RNF31: variants seen among roughly 807,000 people sequenced by gnomAD.
The protein encoded by RNF31 is E3 ubiquitin-protein ligase RNF31.
In RNF31, 38 loss-of-function variants were observed where a neutral mutation model predicts 133.6. The observed-to-expected ratio is 0.28, with a 90% CI of 0.22 to 0.37. The LOEUF (loss-of-function observed/expected upper bound fraction) is 0.37. Ranked by LOEUF, RNF31 falls within the 10% of genes least tolerant of loss-of-function variation. RNF31 has a pLI of 1.00. For missense variants in RNF31, 1,118 were observed against 1,394.1 expected, an observed-to-expected ratio of 0.80 and a Z score of 3.15; for synonymous variants, 582 against 552.3, an observed-to-expected ratio of 1.05 and a Z score of -0.75.
Position 24,160,392 on chromosome 14 carries a change from G to A in RNF31, c.3150G>A (p.Gln1050=). ...CTGGAGAGGATCCCCCTGCTTACCA[G>A]GCCCGCTTGTTACAGGTATAGCCTC... is the stretch of plus-strand genomic sequence containing the variant. ...PLAGEDPPAY[Q]ARLLQKLTEE... is the part of the protein sequence containing the mutation. The change falls in exon 20 of 21, where the codon CAG becomes CAA. Residue 1050 remains glutamine (Q), a synonymous_variant. Transcript: ENST00000324103. This position sits in a 1 kb window ranked among gnomAD's most constrained non-coding sequence, Gnocchi z 4.0. 1 of 1,614,096 alleles carries A rather than the reference G, an allele frequency of 6.2e-7. No homozygotes were observed. The highest frequency in any genetic ancestry group is 8.5e-7 in the Non-Finnish European group (1 of 1,179,986).
At chr14:24,148,603 G>A (rs763956549) in intron 3 of RNF31, 39 bp from the exon 4 acceptor site, 9 of 1,609,254 alleles carry the variant, frequency 5.6e-6, no homozygotes, top group South Asian at 1.1e-5. Context: ...TTTGTTCTAG[G>A]GGTCTAGCTG....
At position 24,151,220 on chromosome 14, in the gene RNF31, A is replaced by G. The variant is rs760799670; in HGVS notation, c.1578A>G (p.Ser526=). The part of the protein sequence containing the change: ...GTEVPLQWLR[S]ELPYVLEMVA... ...AGGTGCCTCTGCAGTGGTTGCGCTC[A>G]GAACTGCCCTACGTCCTGGAGATGG... is the stretch of plus-strand genomic sequence containing the variant. The change falls in exon 9 of 21, where the codon TCA becomes TCG. Residue 526 remains serine, a synonymous_variant. Transcript: ENST00000324103. The surrounding 1 kb of genome is among the most constrained non-coding windows in gnomAD (Gnocchi z 5.3). 1.9e-6 allele frequency: 3 copies of G among 1,614,218 alleles called. No individual in the cohort carries two copies. The South Asian group carries it at 3.3e-5, about 18-fold the overall frequency.
Position 24,151,820 on chromosome 14 carries a change from TCCC to T in RNF31, c.1960_1962del (p.Pro654del). 1 of 1,613,426 alleles carries T rather than the reference TCCC, an allele frequency of 6.2e-7. No individual in the cohort carries two copies. Reference sequence around the variant, plus strand: ...AGGCGGCTTTTGGCAGTCTACGCACTCCCCAGCTGGGGCCGGGCAGAGCTGGCA... The same window carrying T: ...AGGCGGCTTTTGGCAGTCTACGCACTCAGCTGGGGCCGGGCAGAGCTGGCA... On this transcript the variant is annotated inframe_deletion, in exon 11 of 21. Coordinates refer to ENST00000324103, the MANE Select transcript of RNF31 (RefSeq NM_017999.5). The surrounding 1 kb of genome is among the most constrained non-coding windows in gnomAD (Gnocchi z 5.3).
intron 11 of RNF31, among the ~76,000 whole-genome samples, chr14:24,152,978 G>A (rs1256359311): frequency 2.0e-5 from 3 of 152,014 alleles, no homozygotes; most frequent in Admixed American, 6.5e-5. Context: ...CTACTCAGGA[G>A]GCTGAGGCAG....
In RNF31 at chr14:24,151,241, G is replaced by A. The variant is rs751247927; in HGVS notation, c.1599G>A (p.Glu533=). 1.9e-6 allele frequency: 3 copies of A among 1,614,206 alleles called. No individual in the cohort carries two copies. Among genetic ancestry groups the A allele is most frequent in the South Asian group, 2.2e-5 (2 of 91,090 alleles). ...WLRSELPYVL[E]MVAELAGQQD... ...GCTCAGAACTGCCCTACGTCCTGGA[G>A]ATGGTGGCTGAGCTGGCTGGACAGC... The change falls in exon 9 of 21, where the codon GAG becomes GAA. Residue 533 remains glutamate (E), a synonymous_variant. Transcript: ENST00000324103. This position sits in a 1 kb window ranked among gnomAD's most constrained non-coding sequence, Gnocchi z 5.3.
At chr14:24,149,004 C>T (rs1220331321) in intron 5 of RNF31, 128 bp downstream of exon 5, 6 of 931,678 alleles carry the variant, frequency 6.4e-6, no homozygotes. Flanking sequence ...GCTCTTGTTG[C>T]CCAGGCTGGA....
Position 24,150,880 on chromosome 14 carries a change from A to T in RNF31, c.1480A>T (p.Met494Leu). ...GGAAGAAGGCCTCCAGCTAGTGAGC[A>T]TGATCCGGGTAAGGACTGGGCCTGC... Reference protein sequence around the residue: ...MREEGLQLVSMIREGEAAGAC... With the variant: ...MREEGLQLVSLIREGEAAGAC... Residue 494 changes from methionine (M) to leucine (L), a missense_variant, in exon 8 of 21, where the codon ATG (methionine) becomes TTG (leucine). Met to Leu is a conservative substitution (Grantham distance 15, BLOSUM62 2). Coordinates refer to ENST00000324103, the MANE Select transcript of RNF31 (RefSeq NM_017999.5). The T allele has an allele frequency of 6.4e-7, 1 of 1,556,136 alleles. No homozygotes were observed. Among genetic ancestry groups the T allele is most frequent in the Non-Finnish European group, 8.7e-7 (1 of 1,150,288 alleles).
chr14:24,156,936 G>A (rs992738773), intron 14 of RNF31, among the ~76,000 whole-genome samples: 2 of 152,156 alleles, frequency 1.3e-5, no homozygotes, highest in African/African-American at 4.8e-5. Flanking sequence ...TGACAGCCAT[G>A]GGGAGAATTG....
At chr14:24,149,635 A>G (rs934295012) in intron 6 of RNF31, 52 bp downstream of exon 6, 6 of 1,549,250 alleles carry the variant, frequency 3.9e-6, no homozygotes, top group Non-Finnish European at 5.3e-6. Context: ...ACTTAAGATC[A>G]CTTGATTATG....
chr14:24,158,543 CAGAA>C, intron 18 of RNF31: 1 of 343,176 alleles, frequency 2.9e-6, no homozygotes, highest in South Asian at 3.8e-5. Flanking sequence ...ATGAGGGCAA[CAGAA>C]AGGTGTTACA....
chr14:24,150,887 G>T lies in RNF31; in HGVS notation c.1487G>T (p.Arg496Leu). 1 of 1,551,206 alleles carries T rather than the reference G, an allele frequency of 6.4e-7. No homozygotes were observed. The highest frequency in any genetic ancestry group is 8.7e-7 in the Non-Finnish European group (1 of 1,148,236). The change falls in exon 8 of 21, where the codon CGG becomes CTG. Residue 496 changes from arginine (R) to leucine (L), a missense_variant and splice_region_variant. By Grantham distance (102) the Arg-to-Leu change is moderately radical (BLOSUM62 -2). Transcript: ENST00000324103. ...GGCCTCCAGCTAGTGAGCATGATCC[G>T]GGTAAGGACTGGGCCTGCGATGAGG... The part of the protein sequence containing the change: ...EEGLQLVSMI[R>L]EGEAAGACPE...
rs2038251868 is a variant in RNF31 at position 24,150,696 on chromosome 14, C to T, written c.1296C>T (p.Cys432=). The change falls in exon 8 of 21, where the codon TGC becomes TGT. Residue 432 remains cysteine (C), a synonymous_variant. Coordinates refer to ENST00000324103, the MANE Select transcript of RNF31 (RefSeq NM_017999.5). The part of the protein sequence containing the change: ...NSSPGWVCVM[C]NRTSSPIPAQ... The stretch of plus-strand genomic sequence containing the variant: ...GCCCTGGCTGGGTGTGTGTTATGTG[C>T]AACCGGACTAGTAGCCCCATTCCAG... The T allele has an allele frequency of 1.9e-6, 3 of 1,614,074 alleles. No homozygotes were observed. Among genetic ancestry groups the T allele is most frequent in the African/African-American group, 2.7e-5 (2 of 74,932 alleles).
At position 24,155,894 on chromosome 14, in the gene RNF31, G is replaced by A. The variant is rs1216576367; in HGVS notation, c.2493+202G>A. Among the ~76,000 whole-genome samples, 1 of 152,190 alleles carries A rather than the reference G, an allele frequency of 6.6e-6. No individual in the cohort carries two copies. Among genetic ancestry groups the A allele is most frequent in the Non-Finnish European group, 1.5e-5 (1 of 68,022 alleles). On this transcript the variant is annotated intron_variant, in intron 14 of 20. Coordinates refer to ENST00000324103, the MANE Select transcript of RNF31 (RefSeq NM_017999.5). This position sits in a 1 kb window ranked among gnomAD's most constrained non-coding sequence, Gnocchi z 4.9. Reference sequence around the variant, plus strand: ...AAATCGGGAGGGAAAGGAAAGGGGAGGAGGAAGGAAGGAAGGAAAGAAAGT... The same window carrying A: ...AAATCGGGAGGGAAAGGAAAGGGGAAGAGGAAGGAAGGAAGGAAAGAAAGT...
In RNF31 at chr14:24,147,693, C is replaced by T. The variant is rs1167316660; in HGVS notation, c.-6C>T. ...CGGCGAGGCTGGGGCTGACTCCTGCCTCAGGATGCCGGGGGAGGAAGAGGA... is the reference window on the plus strand; with the variant it reads ...CGGCGAGGCTGGGGCTGACTCCTGCTTCAGGATGCCGGGGGAGGAAGAGGA... On this transcript the variant is annotated 5_prime_UTR_variant, in exon 1 of 21. Transcript: ENST00000324103. 3.3e-6 allele frequency: 5 copies of T among 1,494,840 alleles called. No individual in the cohort carries two copies. In the African/African-American group the frequency reaches 5.6e-5, roughly 17 times the overall value. 92.6% of individuals were successfully genotyped at this position (1,494,840 alleles called of 1,614,324 possible).
rs1310129075 is a variant in RNF31, at chr14:24,160,585, G to A, written c.*12G>A. 6.6e-7 allele frequency: 1 copy of A among 1,518,222 alleles called. No homozygotes were observed. The highest frequency in any genetic ancestry group is 1.3e-5 in the South Asian group (1 of 75,550). The allele number at this position is 1,518,222 out of a possible 1,614,324, so 94.0% of individuals were successfully genotyped here. A position where few individuals can be genotyped will look rare whatever the true frequency, so the allele number is the denominator to read the frequency against. ...GCAGGCGGAAGTAGCTGAGGGCAAG[G>A]GTCCCGATGAGGGTCCCATGGCCTG... On this transcript the variant is annotated 3_prime_UTR_variant, in exon 21 of 21. Transcript: ENST00000324103. This position sits in a 1 kb window ranked among gnomAD's most constrained non-coding sequence, Gnocchi z 4.0.
intron 18 of RNF31, among the ~76,000 whole-genome samples, chr14:24,158,979 G>A (rs1020921567): frequency 2.8e-5 from 4 of 144,192 alleles, no homozygotes; most frequent in African/African-American, 1.0e-4. Flanking sequence ...CTTGCAGTGA[G>A]CAGAGATGGC....
chr14:24,153,255 G>A (rs1026490711), intron 11 of RNF31, among the ~76,000 whole-genome samples: 7 of 151,400 alleles, frequency 4.6e-5, no homozygotes, highest in African/African-American at 1.7e-4. Flanking sequence ...GACCAGCATG[G>A]GCAACATAAC....
intron 14 of RNF31, among the ~76,000 whole-genome samples, chr14:24,156,502 AG>A (rs542986528): frequency 7.2e-5 from 11 of 152,084 alleles, no homozygotes; most frequent in Non-Finnish European, 1.3e-4. Flanking sequence ...ATATTTGGCT[AG>A]GCATGGTGGC....
At chr14:24,149,710 G>C in intron 6 of RNF31, 127 bp downstream of exon 6, 1 of 969,604 alleles carries the variant, frequency 1.0e-6, no homozygotes. Context: ...TCAGAACCCT[G>C]AAAGAGATAA....
Sources: gnomAD v4.1 joint callset for allele counts (sites outside exome capture counted in the v4.1 genomes callset) on GRCh38, gnomAD v4.1.1 for gene constraint, Gnocchi (gnomAD v3.1) non-coding constraint, MANE v1.5 for transcripts, NCBI Gene and HGNC (gene_info 2026-07-23, HGNC 2026-07-21) for gene names.